The following SLAIN1 variants were observed in gnomAD, a reference collection of about 807,000 sequenced individuals.
The protein encoded by SLAIN1 is SLAIN motif-containing protein 1.
In SLAIN1, 17 loss-of-function variants were observed where a neutral mutation model predicts 55.4. The observed-to-expected ratio is 0.31, with a 90% CI of 0.21 to 0.46. SLAIN1 has a LOEUF of 0.46. Ranked by LOEUF, SLAIN1 falls within the 20% of genes least tolerant of loss-of-function variation. SLAIN1 has a pLI of 1.00. For synonymous variants in SLAIN1, 348 were observed against 337.4 expected (o/e 1.03, Z -0.35); for missense variants, 682 against 785.1 (o/e 0.87, Z 1.57).
chr13:77,744,972 T>C (rs1370876510), intron 3 of SLAIN1, among the ~76,000 whole-genome samples: 1 of 152,006 alleles, frequency 6.6e-6, no homozygotes, highest in Non-Finnish European at 1.5e-5. Flanking sequence ...GAATAAAAAA[T>C]TTGATCATAA....
chr13:77,746,662 A>G lies in SLAIN1; in HGVS notation c.1065A>G (p.Pro355=), dbSNP rs757061104. 1 of 1,613,782 alleles carries G rather than the reference A, an allele frequency of 6.2e-7. No homozygotes were observed. The change falls in exon 4 of 7, where the codon CCA becomes CCG. Residue 355 remains proline (P), a synonymous_variant. Transcript: ENST00000418532. ...ATGAAGAGGAATTTGATCATTTGCCACCACCTCAGCCTCGTCTTCCAAGAT... is the reference window on the plus strand; with the variant it reads ...ATGAAGAGGAATTTGATCATTTGCCGCCACCTCAGCCTCGTCTTCCAAGAT... ...LEDEEEFDHL[P]PPQPRLPRCS...
At chr13:77,738,876 CTCTT>C (rs1481892020) in intron 2 of SLAIN1, among the ~76,000 whole-genome samples, 4 of 152,186 alleles carry the variant, frequency 2.6e-5, no homozygotes, top group Admixed American at 6.6e-5. Context: ...CGTTTTGTAA[CTCTT>C]TCTTGGATTG....
intron 2 of SLAIN1, among the ~76,000 whole-genome samples, chr13:77,728,336 A>C (rs998758532): frequency 6.6e-6 from 1 of 152,182 alleles, no homozygotes; most frequent in Non-Finnish European, 1.5e-5. Context: ...GGCTTATCTA[A>C]GTAATTTGAA....
intron 2 of SLAIN1, chr13:77,743,546 G>A (rs1943228142): frequency 6.5e-6 from 1 of 153,396 alleles, no homozygotes; most frequent in African/African-American, 2.4e-5. Flanking sequence ...AGGCTGTGTA[G>A]AAGAAAATAG....
intron 3 of SLAIN1, 127 bp downstream of exon 3, chr13:77,744,559 C>G (rs1873689620): frequency 6.8e-7 from 1 of 1,474,590 alleles, no homozygotes; most frequent in African/African-American, 1.4e-5. Context: ...TACTGTCCTA[C>G]TTTTTAGGTG....
intron 1 of SLAIN1, among the ~76,000 whole-genome samples, chr13:77,707,525 C>T (rs1425686698): frequency 1.3e-5 from 2 of 152,070 alleles, no homozygotes; most frequent in East Asian, 3.9e-4. Flanking sequence ...TATTTGGTGT[C>T]ACTGGTTGTC....
intron 2 of SLAIN1, among the ~76,000 whole-genome samples, chr13:77,727,028 A>G (rs2091313549): frequency 6.6e-6 from 1 of 152,298 alleles, no homozygotes; most frequent in South Asian, 2.1e-4. Flanking sequence ...ACATTGCTGG[A>G]AATTAAAATC....
intron 2 of SLAIN1, among the ~76,000 whole-genome samples, chr13:77,730,265 T>A (rs1872793558): frequency 6.6e-6 from 1 of 152,160 alleles, no homozygotes; most frequent in African/African-American, 2.4e-5. Context: ...GTGATGTAAC[T>A]GAACAGCTAA....
At chr13:77,748,528 T>C (rs1405269734) in intron 4 of SLAIN1, among the ~76,000 whole-genome samples, 3 of 152,010 alleles carry the variant, frequency 2.0e-5, no homozygotes, top group Non-Finnish European at 1.5e-5. Flanking sequence ...CTTAGCTGTT[T>C]GTTGCACCTC....
chr13:77,708,584 G>A (rs1230377986), intron 1 of SLAIN1, among the ~76,000 whole-genome samples: 7 of 152,228 alleles, frequency 4.6e-5, no homozygotes, highest in African/African-American at 1.7e-4. Flanking sequence ...AATCTTTGCT[G>A]TTCTGCAGCT....
Position 77,746,574 on chromosome 13 carries a change from C to T in SLAIN1, c.977C>T (p.Ser326Leu), listed in dbSNP as rs754425615. ...GTATCAAGACATAGTTCCAGTGTGTCATTGAGTTCAGGAAAAAAAGGGACA... is the reference window on the plus strand; with the variant it reads ...GTATCAAGACATAGTTCCAGTGTGTTATTGAGTTCAGGAAAAAAAGGGACA... ...ASVSRHSSSVSLSSGKKGTCS... is the reference protein window; with the variant it reads ...ASVSRHSSSVLLSSGKKGTCS... The change falls in exon 4 of 7, where the codon TCA becomes TTA. Residue 326 changes from serine to leucine, a missense_variant. Physicochemically the swap from Ser to Leu is moderately radical, Grantham distance 145. Around this residue, in one of 3 missense-constraint regions of SLAIN1, gnomAD observed 37 missense variants for 72.6 expected, o/e 0.51. Coordinates refer to ENST00000418532, the MANE Select transcript of SLAIN1 (RefSeq NM_001242868.2). The T allele has an allele frequency of 1.3e-5, 21 of 1,613,302 alleles. No homozygotes were observed. In the Admixed American group the frequency reaches 2.8e-4, roughly 22 times the overall value.
chr13:77,715,415 T>G (rs1478938438), intron 1 of SLAIN1, among the ~76,000 whole-genome samples: 1 of 152,204 alleles, frequency 6.6e-6, no homozygotes, highest in African/African-American at 2.4e-5. Flanking sequence ...GTTTAAGTCT[T>G]CATATGAACA....
chr13:77,701,609 A>T (rs973410686), intron 1 of SLAIN1, among the ~76,000 whole-genome samples: 1 of 152,064 alleles, frequency 6.6e-6, no homozygotes, highest in African/African-American at 2.4e-5. Context: ...TTCTTTGAAT[A>T]TTTATCTTAA....
At chr13:77,744,699 G>A (rs917083196) in intron 3 of SLAIN1, among the ~76,000 whole-genome samples, 4 of 151,968 alleles carry the variant, frequency 2.6e-5, no homozygotes, top group African/African-American at 9.7e-5. Context: ...AAAACTAAAG[G>A]TGCAACTTCC....
intron 2 of SLAIN1, among the ~76,000 whole-genome samples, chr13:77,739,968 G>A (rs1331731930): frequency 6.6e-6 from 1 of 151,980 alleles, no homozygotes; most frequent in Non-Finnish European, 1.5e-5. Context: ...AAAAAATGAG[G>A]TATCAGTCTA....
intron 2 of SLAIN1, 106 bp downstream of exon 2, chr13:77,719,777 A>T: frequency 7.8e-7 from 1 of 1,284,244 alleles, no homozygotes; most frequent in African/African-American, 1.5e-5. Flanking sequence ...TCTTACCCTG[A>T]GGTGCAGCTG....
Position 77,698,527 on chromosome 13 carries a change from A to G in SLAIN1, c.614A>G (p.Asp205Gly). 3 of 1,440,760 alleles carry G rather than the reference A, an allele frequency of 2.1e-6. No homozygotes were observed. The highest frequency in any genetic ancestry group is 1.5e-5 in the African/African-American group (1 of 67,196). The allele number at this position is 1,440,760 out of a possible 1,614,324, so 89.2% of individuals were successfully genotyped here. A position where few individuals can be genotyped will look rare whatever the true frequency, so the allele number is the denominator to read the frequency against. ...LESVAAWRDEDDYTWLYIGSS... is the reference protein window; with the variant it reads ...LESVAAWRDEGDYTWLYIGSS... ...AGCGTAGCCGCCTGGCGGGACGAGG[A>G]CGACTACACCTGGTACTGCCTGGCT... Residue 205 changes from aspartate to glycine, a missense_variant, in exon 1 of 7, where the codon GAC becomes GGC. Asp to Gly is a moderately conservative substitution (Grantham distance 94, BLOSUM62 -1). Around this residue, in one of 3 missense-constraint regions of SLAIN1, gnomAD observed 401 missense variants for 417.3 expected, o/e 0.96. Coordinates refer to ENST00000418532, the MANE Select transcript of SLAIN1 (RefSeq NM_001242868.2). This position sits in a 1 kb window ranked among gnomAD's most constrained non-coding sequence, Gnocchi z 4.1.
intron 4 of SLAIN1, among the ~76,000 whole-genome samples, chr13:77,751,077 GA>G: frequency 6.6e-6 from 1 of 152,196 alleles, no homozygotes; most frequent in Non-Finnish European, 1.5e-5. Flanking sequence ...GTTTGATTTT[GA>G]CTTGAATGCC....
chr13:77,731,375 C>T (rs774474226), intron 2 of SLAIN1, among the ~76,000 whole-genome samples: 4 of 151,980 alleles, frequency 2.6e-5, no homozygotes, highest in Non-Finnish European at 2.9e-5. Context: ...AATCCTGTAC[C>T]GAAGCAAATA....
Sources: gnomAD v4.1 joint callset for allele counts (sites outside exome capture counted in the v4.1 genomes callset) on GRCh38, gnomAD v4.1.1 for gene constraint, gnomAD v4.1.1 regional missense constraint, Gnocchi (gnomAD v3.1) non-coding constraint, MANE v1.5 for transcripts, NCBI Gene and HGNC (gene_info 2026-07-23, HGNC 2026-07-21) for gene names.